FBN1: variants seen among roughly 807,000 people sequenced by gnomAD.
FBN1 encodes fibrillin-1.
In FBN1, 29 loss-of-function variants were observed where a neutral mutation model predicts 365.1. The ratio of observed to expected loss-of-function variants is 0.08; its 90% confidence interval spans 0.06 to 0.11. FBN1 has a LOEUF of 0.11. Among genes scored for constraint, FBN1 ranks in the 10% least tolerant of loss-of-function variants. The probability of loss-of-function intolerance (pLI) is 1.00; values close to 1 mark genes in which losing one functional copy is unlikely to be tolerated. For missense variants in FBN1, 2,476 were observed against 3,703.2 expected, an observed-to-expected ratio of 0.67 and a Z score of 8.60; for synonymous variants, 1,210 against 1,270.5, an observed-to-expected ratio of 0.95 and a Z score of 1.01.
intron 6 of FBN1, among the ~76,000 whole-genome samples, chr15:48,551,320 G>A (rs961937425): frequency 2.0e-5 from 3 of 152,002 alleles, no homozygotes; most frequent in African/African-American, 4.8e-5. Flanking sequence ...AACAAATGAC[G>A]TCAATGACCC....
intron 2 of FBN1, among the ~76,000 whole-genome samples, chr15:48,639,931 T>G (rs1417627601): frequency 6.6e-6 from 1 of 152,228 alleles, no homozygotes; most frequent in Non-Finnish European, 1.5e-5. Context: ...GTTAGGCTGA[T>G]TGGCTTACTG....
At chr15:48,563,108 C>T (rs1436091898) in intron 6 of FBN1, among the ~76,000 whole-genome samples, 1 of 152,080 alleles carries the variant, frequency 6.6e-6, no homozygotes, top group Non-Finnish European at 1.5e-5. Flanking sequence ...TACTCATAGT[C>T]CTGTCTAGAA....
In FBN1 at chr15:48,474,391, G is replaced by T. The variant is rs1244196303; in HGVS notation, c.4088-14C>A. The T allele has an allele frequency of 1.2e-6, 2 of 1,614,016 alleles. No homozygotes were observed. The highest frequency in any genetic ancestry group is 2.2e-5 in the East Asian group (1 of 44,878). Reference sequence around the variant, plus strand: ...ATTCGTCCAGATCTTATAGAAAAAGGTTATATCATTATTAACAGAAAGGGT... The same window carrying T: ...ATTCGTCCAGATCTTATAGAAAAAGTTTATATCATTATTAACAGAAAGGGT... On this transcript the variant is annotated splice_polypyrimidine_tract_variant and intron_variant, in intron 33 of 65. Transcript: ENST00000316623.
intron 9 of FBN1, among the ~76,000 whole-genome samples, chr15:48,521,607 T>C (rs998634947): frequency 2.6e-5 from 4 of 152,218 alleles, no homozygotes; most frequent in Non-Finnish European, 5.9e-5. Context: ...TGTCATGACA[T>C]CCGACACACT....
At chr15:48,633,700 C>A (rs1890035687) in intron 2 of FBN1, among the ~76,000 whole-genome samples, 1 of 152,116 alleles carries the variant, frequency 6.6e-6, no homozygotes. Flanking sequence ...TGCCTAAGAT[C>A]AAATAAATGA....
chr15:48,515,540 T>C lies in FBN1; in HGVS notation c.1328-13A>G, dbSNP rs763267481. 6.2e-7 allele frequency: 1 copy of C among 1,613,762 alleles called. No individual in the cohort carries two copies. The highest frequency in any genetic ancestry group is 8.5e-7 in the Non-Finnish European group (1 of 1,179,776). ...ACTGGCAGCACCCCTAGAAGAACAT[T>C]AAGCCCCATTAAAATTATTTTAACT... On this transcript the variant is annotated splice_polypyrimidine_tract_variant and intron_variant, in intron 11 of 65. Transcript: ENST00000316623.
intron 42 of FBN1, among the ~76,000 whole-genome samples, chr15:48,461,088 A>T (rs995082584): frequency 1.3e-5 from 2 of 152,186 alleles, no homozygotes; most frequent in African/African-American, 4.8e-5. Context: ...AGATTTCTGG[A>T]AGTATTTTAA....
intron 8 of FBN1, among the ~76,000 whole-genome samples, chr15:48,527,669 A>G (rs915557238): frequency 8.0e-4 from 122 of 152,350 alleles, no homozygotes; most frequent in Non-Finnish European, 1.6e-3. Context: ...CCTTGTTAGT[A>G]AAAAAGGCAG....
At chr15:48,436,885 C>T (rs2043076079) in intron 53 of FBN1, 76 bp downstream of exon 53, 1 of 902,716 alleles carries the variant, frequency 1.1e-6, no homozygotes, top group Non-Finnish European at 1.9e-6. Flanking sequence ...TACCTATATT[C>T]ATGGCTATAC....
chr15:48,616,436 A>T (rs890003758), intron 2 of FBN1, among the ~76,000 whole-genome samples: 1 of 152,252 alleles, frequency 6.6e-6, no homozygotes, highest in Non-Finnish European at 1.5e-5. Context: ...AACTCGTTCA[A>T]ACAAGCTGCA....
chr15:48,543,326 AG>A (rs2044072311), intron 6 of FBN1, among the ~76,000 whole-genome samples: 1 of 152,148 alleles, frequency 6.6e-6, no homozygotes, highest in Non-Finnish European at 1.5e-5. Flanking sequence ...GTGGAATTCC[AG>A]GGGCATTCTC....
chr15:48,541,727 CTTTT>C (rs61478233), intron 6 of FBN1, among the ~76,000 whole-genome samples: 1 of 137,760 alleles, frequency 7.3e-6, no homozygotes. Context: ...TTTACATACT[CTTTT>C]TTTTTTTTTT....
chr15:48,605,028 T>C (rs2140725738), intron 4 of FBN1, among the ~76,000 whole-genome samples: 1 of 152,244 alleles, frequency 6.6e-6, no homozygotes, highest in East Asian at 1.9e-4. Flanking sequence ...TGAATTGAAG[T>C]AAATTAAATG....
At chr15:48,589,999 G>A (rs2044466153) in intron 6 of FBN1, among the ~76,000 whole-genome samples, 1 of 152,308 alleles carries the variant, frequency 6.6e-6, no homozygotes, top group African/African-American at 2.4e-5. Flanking sequence ...ACAGTTTACT[G>A]CCTTTTGCTT....
chr15:48,473,206 C>T (rs1187065636), intron 34 of FBN1, among the ~76,000 whole-genome samples: 1 of 152,066 alleles, frequency 6.6e-6, no homozygotes, highest in Non-Finnish European at 1.5e-5. Context: ...GATGACAAAA[C>T]ATCAATAAGT....
At chr15:48,435,499 G>A (rs534401961) in intron 53 of FBN1, among the ~76,000 whole-genome samples, 1 of 152,152 alleles carries the variant, frequency 6.6e-6, no homozygotes, top group Non-Finnish European at 1.5e-5. Flanking sequence ...CAGAGGTTAA[G>A]TAAAATTAAT....
At chr15:48,626,332 G>A (rs1396345179) in intron 2 of FBN1, among the ~76,000 whole-genome samples, 2 of 151,288 alleles carry the variant, frequency 1.3e-5, no homozygotes, top group African/African-American at 4.9e-5. Flanking sequence ...TTAAATTTTA[G>A]AAAATTAAAA....
At chr15:48,411,418 A>G (rs201871757) in intron 65 of FBN1, 39 bp from the exon 66 acceptor site, 295 of 1,590,044 alleles carry the variant, frequency 1.9e-4, no homozygotes, top group Non-Finnish European at 2.4e-4. Flanking sequence ...TACAATGTAC[A>G]TATGCCACTT....
chr15:48,435,782 G>A (rs1453855764), intron 53 of FBN1, among the ~76,000 whole-genome samples: 49 of 70,422 alleles, frequency 7.0e-4, no homozygotes, highest in East Asian at 1.4e-3. Context: ...ATGTGTGTGT[G>A]TGTGTGTGTG....
Sources: gnomAD v4.1 joint callset for allele counts (sites outside exome capture counted in the v4.1 genomes callset) on GRCh38, gnomAD v4.1.1 for gene constraint, MANE v1.5 for transcripts, NCBI Gene and HGNC (gene_info 2026-07-23, HGNC 2026-07-21) for gene names.